MCF2L: variants seen among roughly 807,000 people sequenced by gnomAD.
MCF2L encodes guanine nucleotide exchange factor DBS.
Under a neutral mutation model 153.4 loss-of-function variants are expected in MCF2L, and 97 were observed. That is an observed-to-expected ratio of 0.63 (90% CI 0.54 to 0.75). The LOEUF (loss-of-function observed/expected upper bound fraction) is 0.75. Ranked by LOEUF, MCF2L falls within the 30% of genes least tolerant of loss-of-function variation. MCF2L has a pLI of 0.00. For synonymous variants in MCF2L, 659 were observed against 632.2 expected, an observed-to-expected ratio of 1.04 and a Z score of -0.64; for missense variants, 1,347 against 1,495.2, an observed-to-expected ratio of 0.90 and a Z score of 1.64.
intron 2 of MCF2L, among the ~76,000 whole-genome samples, chr13:113,016,014 C>A (rs1333435063): frequency 6.6e-6 from 1 of 152,196 alleles, no homozygotes; most frequent in Non-Finnish European, 1.5e-5. Flanking sequence ...CGACCTGGGC[C>A]TCCAGCCTTG....
In MCF2L at chr13:112,919,285, A is replaced by G. The variant is rs1462968076; in HGVS notation, c.169+16914A>G. 3.6e-5 allele frequency among the ~76,000 whole-genome samples: 5 copies of G among 139,656 alleles called. No homozygotes were observed. The East Asian group carries it at 1.0e-3, about 29-fold the overall frequency. 91.6% of individuals were successfully genotyped at this position (139,656 alleles called of 152,430 possible). ...CAGTGGCGGGATCTCGGCTCACTGC[A>G]AGCTCCGCCTCCCGGGTTCACGCCA... On this transcript the variant is annotated intron_variant, in intron 2 of 29. Coordinates refer to the MCF2L transcript ENST00000375608.
At chr13:112,990,263 A>T (rs138085678) in intron 1 of MCF2L, among the ~76,000 whole-genome samples, 59 of 152,380 alleles carry the variant, frequency 3.9e-4, no homozygotes, top group African/African-American at 1.3e-3. Context: ...TGGAACTTAC[A>T]GAATGTGGTG....
At chr13:113,063,165 G>A (rs2031789967) in intron 5 of MCF2L, among the ~76,000 whole-genome samples, 1 of 152,230 alleles carries the variant, frequency 6.6e-6, no homozygotes, top group Admixed American at 6.5e-5. Context: ...GATGAGCTCA[G>A]GCACAACGTG....
intron 2 of MCF2L, among the ~76,000 whole-genome samples, chr13:112,948,440 A>T (rs2081659052): frequency 6.6e-6 from 1 of 152,252 alleles, no homozygotes. Flanking sequence ...TGCTGCTTAG[A>T]GATTTCTTCT....
Position 112,918,936 on chromosome 13 carries a change from G to A in MCF2L, c.169+16565G>A, listed in dbSNP as rs535347510. Among the ~76,000 whole-genome samples the A allele has an allele frequency of 2.3e-3, 353 of 152,216 alleles. 2 individuals are homozygous for A. The highest frequency in any genetic ancestry group is 3.4e-3 in the Middle Eastern group (1 of 294). Reference sequence around the variant, plus strand: ...CTCCGTGTCCCCACCTGTGGGCTCTGCCCCTGCGCTTCCCCGACGCGCGCC... The same window carrying A: ...CTCCGTGTCCCCACCTGTGGGCTCTACCCCTGCGCTTCCCCGACGCGCGCC... On this transcript the variant is annotated intron_variant, in intron 2 of 29. Transcript: ENST00000375608.
chr13:112,994,764 G>A (rs998590397), intron 1 of MCF2L, among the ~76,000 whole-genome samples: 1 of 151,846 alleles, frequency 6.6e-6, no homozygotes, highest in East Asian at 1.9e-4. Context: ...GGACATATGG[G>A]CCTCCCAAGC....
At chr13:112,917,160 A>G in intron 2 of MCF2L, 2 of 471,174 alleles carry the variant, frequency 4.2e-6, no homozygotes, top group South Asian at 1.5e-5. Context: ...CCTGAGTGTG[A>G]TGATTCCTAG....
chr13:113,009,187 G>A (rs111666180), intron 1 of MCF2L: 2 of 152,280 alleles, frequency 1.3e-5, no homozygotes, highest in African/African-American at 2.4e-5. Flanking sequence ...TTGCCGGTTG[G>A]TGTTGCGCGT....
intron 2 of MCF2L, among the ~76,000 whole-genome samples, chr13:113,023,070 G>C (rs370083472): frequency 1.3e-5 from 2 of 152,196 alleles, no homozygotes; most frequent in Admixed American, 1.3e-4. Flanking sequence ...CTTCCCCTTC[G>C]GGGGCTTCCT....
intron 3 of MCF2L, among the ~76,000 whole-genome samples, chr13:113,026,169 A>C (rs918442712): frequency 1.2e-5 from 1 of 85,422 alleles, no homozygotes; most frequent in Non-Finnish European, 2.5e-5. Context: ...GTGAGGTTCC[A>C]CCATGGTGGG....
intron 1 of MCF2L, among the ~76,000 whole-genome samples, chr13:112,986,020 T>C (rs935883010): frequency 1.3e-5 from 2 of 152,246 alleles, no homozygotes; most frequent in Non-Finnish European, 2.9e-5. Context: ...CCGTGGTCAG[T>C]GAGCCCCCAG....
chr13:112,953,621 G>A (rs997468897), intron 2 of MCF2L, among the ~76,000 whole-genome samples: 2 of 152,244 alleles, frequency 1.3e-5, no homozygotes, highest in Non-Finnish European at 2.9e-5. Context: ...TTCACCTGTG[G>A]CCGGTGGTTC....
chr13:113,088,016 C>G (rs2034803440), intron 23 of MCF2L, among the ~76,000 whole-genome samples: 1 of 152,214 alleles, frequency 6.6e-6, no homozygotes. Context: ...GAAACGGGCT[C>G]TCCCTCCCCA....
chr13:112,971,476 G>A (rs767554805), intron 1 of MCF2L, among the ~76,000 whole-genome samples: 9 of 152,270 alleles, frequency 5.9e-5, no homozygotes, highest in Middle Eastern at 3.4e-3. Context: ...TGCGTACAGC[G>A]GCTGGCCTTA....
chr13:112,946,010 C>T (rs893965007), intron 2 of MCF2L, among the ~76,000 whole-genome samples: 1 of 152,036 alleles, frequency 6.6e-6, no homozygotes, highest in Non-Finnish European at 1.5e-5. Flanking sequence ...CTCATCAGCA[C>T]GCCAGCCCGG....
rs1349029396 is a variant in MCF2L, at chr13:113,031,112, GAGAC to G, written c.278+6358_278+6361del. On this transcript the variant is annotated intron_variant, in intron 3 of 29. Transcript: ENST00000535094. The surrounding 1 kb of genome is among the most constrained non-coding windows in gnomAD (Gnocchi z 5.5). ...ACAGAGACAGAGACAGAGAGAGACAGAGACAGAGAGTGACAGAGAGACAGACAGA... is the reference window on the plus strand; with the variant it reads ...ACAGAGACAGAGACAGAGAGAGACAGAGAGAGTGACAGAGAGACAGACAGA... 7.3e-4 allele frequency among the ~76,000 whole-genome samples: 111 copies of G among 151,664 alleles called. No homozygotes were observed. The highest frequency in any genetic ancestry group is 2.7e-3 in the African/African-American group (111 of 41,262).
intron 2 of MCF2L, among the ~76,000 whole-genome samples, chr13:113,020,258 A>G (rs902806350): frequency 4.6e-5 from 7 of 152,202 alleles, no homozygotes; most frequent in African/African-American, 1.7e-4. Flanking sequence ...TGAGTTTCTA[A>G]AGCCGTGTTT....
At chr13:112,979,063 T>A (rs1199840312) in intron 1 of MCF2L, among the ~76,000 whole-genome samples, 1 of 152,160 alleles carries the variant, frequency 6.6e-6, no homozygotes, top group Non-Finnish European at 1.5e-5. Flanking sequence ...GAAAAGCATC[T>A]CCGGCCACGC....
At chr13:113,066,201 C>A in intron 8 of MCF2L, 31 bp downstream of exon 8, 1 of 1,574,960 alleles carries the variant, frequency 6.3e-7, no homozygotes, top group South Asian at 1.1e-5. Flanking sequence ...TGCCCTCATC[C>A]TGTCCCAGTC....
Sources: gnomAD v4.1 joint callset for allele counts (sites outside exome capture counted in the v4.1 genomes callset) on GRCh38, gnomAD v4.1.1 for gene constraint, Gnocchi (gnomAD v3.1) non-coding constraint, MANE v1.5 for transcripts, NCBI Gene and HGNC (gene_info 2026-07-23, HGNC 2026-07-21) for gene names.